Variants in TRPM6 observed in about 807,000 individuals in gnomAD.
TRPM6 encodes the protein transient receptor potential cation channel subfamily M member 6.
A neutral mutation model predicts 247.6 loss-of-function variants in TRPM6; 111 were observed. The observed-to-expected ratio is 0.45, with a 90% CI of 0.38 to 0.52. The LOEUF is 0.52. Ranked by LOEUF, TRPM6 falls within the 20% of genes least tolerant of loss-of-function variation. TRPM6 has a pLI of 0.00. For missense variants in TRPM6, 2,126 were observed against 2,421.5 expected (o/e 0.88, Z 2.56); for synonymous variants, 892 against 853.8 (o/e 1.04, Z -0.78).
rs1826737268 is a variant in TRPM6, at chr9:74,763,847, G to A, written c.3537-713C>T. Among the ~76,000 whole-genome samples the A allele has an allele frequency of 2.0e-5, 3 of 152,190 alleles. 1 individual carries two copies. The South Asian group carries it at 6.2e-4, about 32-fold the overall frequency. On this transcript the variant is annotated intron_variant, in intron 25 of 38. Transcript: ENST00000360774. ...TTTCAAATGTAAATGTAAGTTGCAA[G>A]TAAATTGAATTAAATGTAACAATTA... is the stretch of plus-strand genomic sequence containing the variant.
chr9:74,797,169 G>A (rs1828127092), intron 17 of TRPM6, among the ~76,000 whole-genome samples: 1 of 152,208 alleles, frequency 6.6e-6, no homozygotes, highest in Admixed American at 6.5e-5. Flanking sequence ...TCTATCTAGA[G>A]AGGGACAGCT....
intron 36 of TRPM6, among the ~76,000 whole-genome samples, chr9:74,733,099 C>T (rs1825577809): frequency 6.6e-6 from 1 of 151,474 alleles, no homozygotes; most frequent in Non-Finnish European, 1.5e-5. Flanking sequence ...GAGGCTGAGG[C>T]AGAAGAATCG....
At chr9:74,746,253 T>C (rs1009924441) in intron 31 of TRPM6, among the ~76,000 whole-genome samples, 2 of 143,772 alleles carry the variant, frequency 1.4e-5, no homozygotes, top group Non-Finnish European at 3.1e-5. Context: ...AAAAAAAAAA[T>C]GGTGTTATGT....
chr9:74,879,133 A>T (rs1831281345), intron 1 of TRPM6, among the ~76,000 whole-genome samples: 1 of 152,048 alleles, frequency 6.6e-6, no homozygotes, highest in African/African-American at 2.4e-5. Context: ...ATATCATTAA[A>T]AAAGAACCAA....
intron 38 of TRPM6, among the ~76,000 whole-genome samples, chr9:74,725,946 T>C (rs886088979): frequency 6.6e-6 from 1 of 152,192 alleles, no homozygotes; most frequent in Non-Finnish European, 1.5e-5. Flanking sequence ...AAAAGCAGAA[T>C]TAAAATGTTT....
At chr9:74,773,042 A>G (rs543578991) in intron 24 of TRPM6, among the ~76,000 whole-genome samples, 1 of 152,178 alleles carries the variant, frequency 6.6e-6, no homozygotes, top group East Asian at 1.9e-4. Context: ...TGGGAGAAAC[A>G]TTTGAACCCA....
At chr9:74,740,658 G>C (rs1417952605) in intron 33 of TRPM6, among the ~76,000 whole-genome samples, 1 of 152,130 alleles carries the variant, frequency 6.6e-6, no homozygotes, top group East Asian at 1.9e-4. Context: ...TTTTGACAGT[G>C]TCTTGACTCT....
intron 35 of TRPM6, 151 bp downstream of exon 35, chr9:74,739,216 T>C: frequency 1.3e-6 from 1 of 799,178 alleles, no homozygotes; most frequent in East Asian, 2.6e-5. Flanking sequence ...ATTCTCCTTT[T>C]GCCAGTCTCC....
At chr9:74,850,223 T>C (rs1830254845) in intron 3 of TRPM6, among the ~76,000 whole-genome samples, 1 of 150,872 alleles carries the variant, frequency 6.6e-6, no homozygotes, top group Admixed American at 6.6e-5. Flanking sequence ...AATACAAAAA[T>C]CAGCTGAGCG....
chr9:74,866,682 T>C (rs1347842897), intron 1 of TRPM6, among the ~76,000 whole-genome samples: 3 of 152,222 alleles, frequency 2.0e-5, no homozygotes, highest in East Asian at 1.9e-4. Flanking sequence ...GGTTTTACCA[T>C]GTTGGCCAGG....
chr9:74,768,973 G>C (rs1223443600), intron 25 of TRPM6, among the ~76,000 whole-genome samples: 1 of 152,160 alleles, frequency 6.6e-6, no homozygotes, highest in Non-Finnish European at 1.5e-5. Flanking sequence ...AAGGGTTGGA[G>C]GGGAATTTGT....
At chr9:74,752,683 T>C (rs984018768) in intron 28 of TRPM6, among the ~76,000 whole-genome samples, 2 of 152,248 alleles carry the variant, frequency 1.3e-5, no homozygotes, top group African/African-American at 4.8e-5. Flanking sequence ...AATTTTTATA[T>C]CTACCTTATC....
At position 74,873,952 on chromosome 9, in the gene TRPM6, C is replaced by A. The variant is rs1308540172; in HGVS notation, c.33+13872G>T. ...ATGTTTTAATAGAATTAGGGCAGTC[C>A]AGGCTGGGCATGGTGGCTCACAACT... On this transcript the variant is annotated intron_variant, in intron 1 of 38. Transcript: ENST00000360774. 2.0e-5 allele frequency among the ~76,000 whole-genome samples: 3 copies of A among 151,912 alleles called. No individual in the cohort carries two copies. In the South Asian group the frequency reaches 6.2e-4, roughly 32 times the overall value.
intron 6 of TRPM6, among the ~76,000 whole-genome samples, chr9:74,828,700 C>T (rs1230302766): frequency 1.3e-5 from 2 of 149,900 alleles, no homozygotes; most frequent in African/African-American, 2.5e-5. Flanking sequence ...ATGATCTCAG[C>T]TCACTGCAAC....
chr9:74,782,812 G>C lies in TRPM6; in HGVS notation c.2961C>G (p.Val987=). ...TGCGTGCCACTCCAAAGCTCAGCAG[G>C]ACTATGGCCATGATGATCACAATAT... ...MFYIVIIMAI[V]LLSFGVARKA... The change falls in exon 22 of 39, where the codon GTC becomes GTG. Residue 987 remains valine (V), a synonymous_variant. Transcript: ENST00000360774. 4 of 1,614,132 alleles carry C rather than the reference G, an allele frequency of 2.5e-6. No homozygotes were observed. Among genetic ancestry groups the C allele is most frequent in the Non-Finnish European group, 3.4e-6 (4 of 1,180,034 alleles).
intron 3 of TRPM6, among the ~76,000 whole-genome samples, chr9:74,842,987 G>A (rs529463299): frequency 1.4e-4 from 21 of 152,302 alleles, no homozygotes; most frequent in South Asian, 1.2e-3. Context: ...AGCATGTGAT[G>A]CTATTTGATA....
intron 30 of TRPM6, among the ~76,000 whole-genome samples, chr9:74,749,967 G>T (rs1826184094): frequency 6.6e-6 from 1 of 152,166 alleles, no homozygotes; most frequent in African/African-American, 2.4e-5. Flanking sequence ...CTACCTGTAT[G>T]AATAGTTAAT....
intron 1 of TRPM6, among the ~76,000 whole-genome samples, chr9:74,860,461 C>T (rs1004378724): frequency 5.3e-5 from 8 of 152,044 alleles, no homozygotes; most frequent in Admixed American, 4.6e-4. Context: ...AGGTTTCAAG[C>T]GATTCTCCTG....
At position 74,761,991 on chromosome 9, in the gene TRPM6, T is replaced by C. The variant is rs1461230895; in HGVS notation, c.4672+8A>G. The C allele has an allele frequency of 6.2e-7, 1 of 1,612,508 alleles. No homozygotes were observed. Among genetic ancestry groups the C allele is most frequent in the Admixed American group, 1.7e-5 (1 of 59,966 alleles). ...TTAATGCTGATATTTTAAATGTTTA[T>C]TCCTTACTTTTAATCTTACAGATCT... is the stretch of plus-strand genomic sequence containing the variant. On this transcript the variant is annotated splice_region_variant and intron_variant, in intron 26 of 38. Transcript: ENST00000360774.
Sources: allele counts gnomAD v4.1 joint callset (sites outside exome capture counted in the v4.1 genomes callset), GRCh38; gene constraint gnomAD v4.1.1; transcripts MANE v1.5; gene names NCBI Gene and HGNC (gene_info 2026-07-23, HGNC 2026-07-21).